The following LGI4 variants were observed in gnomAD, a reference collection of about 807,000 sequenced individuals.
LGI4 encodes leucine-rich repeat LGI family member 4.
A neutral mutation model predicts 48.3 loss-of-function variants in LGI4; 36 were observed. The observed-to-expected ratio is 0.75, with a 90% CI of 0.57 to 0.98. The LOEUF (loss-of-function observed/expected upper bound fraction) is 0.98, where lower values mean the gene tolerates loss of function less well. LGI4 is among the 50% of genes least tolerant of loss of function. LGI4 has a pLI of 0.00. For missense variants in LGI4, 701 were observed against 732.1 expected, an observed-to-expected ratio of 0.96 and a Z score of 0.49; for synonymous variants, 355 against 331.6, an observed-to-expected ratio of 1.07 and a Z score of -0.77.
chr19:35,125,508 C>T lies in LGI4; in HGVS notation c.1300-1G>A. ...ACATGGAGCCGTCCCAGCGCATGACCTGTGGGGGTGTGGCCAGTGAGGGCC... is the reference window on the plus strand; with the variant it reads ...ACATGGAGCCGTCCCAGCGCATGACTTGTGGGGGTGTGGCCAGTGAGGGCC... On this transcript the variant is annotated splice_acceptor_variant, in intron 8 of 8. Coordinates refer to ENST00000310123, the MANE Select transcript of LGI4 (RefSeq NM_139284.3). LOFTEE classifies it high-confidence loss of function. 1 of 1,544,714 alleles carries T rather than the reference C, an allele frequency of 6.5e-7. No individual in the cohort carries two copies. Among genetic ancestry groups the T allele is most frequent in the Non-Finnish European group, 8.8e-7 (1 of 1,141,850 alleles).
In LGI4 at chr19:35,131,422, G is replaced by A; in HGVS notation, c.592C>T (p.His198Tyr). 6.4e-7 allele frequency: 1 copy of A among 1,552,456 alleles called. No individual in the cohort carries two copies. The highest frequency in any genetic ancestry group is 8.7e-7 in the Non-Finnish European group (1 of 1,147,220). Residue 198 changes from histidine to tyrosine, a missense_variant, in exon 6 of 9, where the codon CAC (histidine) becomes TAC (tyrosine). Transcript: ENST00000310123. ...PASLSHMQLHHLDPKTFKCRA... is the reference protein window; with the variant it reads ...PASLSHMQLHYLDPKTFKCRA... ...CACTTGAAAGTCTTGGGGTCGAGGT[G>A]GTGGAGCTGCATGTGGCTCAGGGAG...
intron 1 of LGI4, 147 bp downstream of exon 1, chr19:35,134,364 T>C (rs2065195069): frequency 1.1e-6 from 1 of 875,232 alleles, no homozygotes; most frequent in Non-Finnish European, 1.8e-6. Flanking sequence ...AGCACCCCTC[T>C]TCAAGGCATC....
chr19:35,133,856 G>T, intron 2 of LGI4, 92 bp from the exon 3 acceptor site: 1 of 1,403,448 alleles, frequency 7.1e-7, no homozygotes, highest in South Asian at 1.3e-5. Flanking sequence ...AGGTGGGCAT[G>T]GGCACGCAGG....
Position 35,129,328 on chromosome 19 carries a change from T to TTA in LGI4, c.628+2056_628+2057dup, listed in dbSNP as rs199662805. Among the ~76,000 whole-genome samples, 20 of 151,172 alleles carry TTA rather than the reference T, an allele frequency of 1.3e-4. 1 individual carries two copies. The highest frequency in any genetic ancestry group is 4.1e-4 in the African/African-American group (17 of 41,310). On this transcript the variant is annotated intron_variant, in intron 6 of 8. Transcript: ENST00000310123. ...ATAATAATTATGTATGCATATATAATTATATATATATTATATATACATGTT... is the reference window on the plus strand; with the variant it reads ...ATAATAATTATGTATGCATATATAATTATATATATATATTATATATACATGTT...
intron 6 of LGI4, among the ~76,000 whole-genome samples, chr19:35,127,675 C>T (rs1052119647): frequency 6.6e-6 from 1 of 152,212 alleles, no homozygotes; most frequent in Non-Finnish European, 1.5e-5. Flanking sequence ...CGTGAGGCAC[C>T]GTGCCCGGCC....
rs778244644 is a variant in LGI4 at position 35,134,615 on chromosome 19, G to A, written c.66C>T (p.Pro22=). The part of the protein sequence containing the change: ...AGAGVVVAWR[P]PKGKCPLRCS... ...AGCGCAGGGGACACTTTCCCTTTGG[G>A]GGTCTCCAGGCCACCACCACCCCCG... Residue 22 remains proline, a synonymous_variant, in exon 1 of 9, where the codon CCC becomes CCT. Coordinates refer to ENST00000310123, the MANE Select transcript of LGI4 (RefSeq NM_139284.3). 1 of 1,586,194 alleles carries A rather than the reference G, an allele frequency of 6.3e-7. No homozygotes were observed. Among genetic ancestry groups the A allele is most frequent in the Non-Finnish European group, 8.6e-7 (1 of 1,166,244 alleles).
In LGI4 at chr19:35,125,641, G is replaced by A. The variant is rs58799071; in HGVS notation, c.1300-134C>T. On this transcript the variant is annotated intron_variant, in intron 8 of 8. Coordinates refer to ENST00000310123, the MANE Select transcript of LGI4 (RefSeq NM_139284.3). ...TCTTCATAAAAGTCACCACCCACCT[G>A]TTCGGCCACACACATGCAGTTGTTC... The A allele has an allele frequency of 6.6e-3, 5,302 of 799,638 alleles. 135 individuals are homozygous for A. In the African/African-American group the frequency reaches 0.07, roughly 11 times the overall value. The allele number at this position is 799,638 out of a possible 1,614,324, so 49.5% of individuals were successfully genotyped here.
chr19:35,127,444 G>A (rs1365802318), intron 6 of LGI4, among the ~76,000 whole-genome samples: 1 of 152,122 alleles, frequency 6.6e-6, no homozygotes, highest in Non-Finnish European at 1.5e-5. Context: ...ACCTCCCAAA[G>A]TGCTGGGATT....
chr19:35,131,725 G>A (rs947244132), intron 5 of LGI4, 64 bp downstream of exon 5: 17 of 1,427,818 alleles, frequency 1.2e-5, no homozygotes, highest in South Asian at 9.8e-5. Context: ...AAGTGGGCAC[G>A]GATGCCCCCC....
Position 35,134,069 on chromosome 19 carries a change from G to C in LGI4, c.206C>G (p.Ala69Gly), listed in dbSNP as rs779470894. 1.3e-6 allele frequency: 2 copies of C among 1,566,374 alleles called. No homozygotes were observed. Among genetic ancestry groups the C allele is most frequent in the Non-Finnish European group, 1.7e-6 (2 of 1,155,068 alleles). ...LVRTGVTQLK[A>G]GSFLRIPSLH... ...AGACGGAATTCTCAGGAAGCTGCCGGCCTTCAGCTGGGTGACTCCCGTCCT... is the reference window on the plus strand; with the variant it reads ...AGACGGAATTCTCAGGAAGCTGCCGCCCTTCAGCTGGGTGACTCCCGTCCT... The change falls in exon 2 of 9, where the codon GCC (alanine) becomes GGC (glycine). Residue 69 changes from alanine to glycine, a missense_variant. Physicochemically the swap from Ala to Gly is moderately conservative, Grantham distance 60. Coordinates refer to ENST00000310123, the MANE Select transcript of LGI4 (RefSeq NM_139284.3).
At chr19:35,130,385 T>C (rs550601565) in intron 6 of LGI4, among the ~76,000 whole-genome samples, 2 of 152,194 alleles carry the variant, frequency 1.3e-5, no homozygotes, top group Non-Finnish European at 2.9e-5. Context: ...CTGTTGTTAT[T>C]GTATTCATAG....
At position 35,125,457 on chromosome 19, in the gene LGI4, C is replaced by G. The variant is rs752974308; in HGVS notation, c.1350G>C (p.Ser450=). The G allele has an allele frequency of 5.0e-5, 80 of 1,595,826 alleles. No homozygotes were observed. The highest frequency in any genetic ancestry group is 6.6e-5 in the Non-Finnish European group (77 of 1,170,074). ...GTGGCTGGAAGACGTGGGCACCGCG[C>G]GAGGGAAGTTGCTGCAGCAGACGAA... is the stretch of plus-strand genomic sequence containing the variant. The part of the protein sequence containing the change: ...SMFRLLQQLP[S]RGAHVFQPLL... The change falls in exon 9 of 9, where the codon TCG becomes TCC. Residue 450 remains serine (S), a synonymous_variant. Transcript: ENST00000310123.
intron 6 of LGI4, 73 bp from the exon 7 acceptor site, chr19:35,127,090 A>G: frequency 6.9e-7 from 1 of 1,446,652 alleles, no homozygotes; most frequent in Non-Finnish European, 9.2e-7. Flanking sequence ...CAGTTTGCCT[A>G]CATCTCTGAA....
In LGI4 at chr19:35,131,455, C is replaced by A. The variant is rs1414634130; in HGVS notation, c.559G>T (p.Gly187Cys). The change falls in exon 6 of 9, where the codon GGC becomes TGC. Residue 187 changes from glycine (G) to cysteine (C), a missense_variant. Coordinates refer to ENST00000310123, the MANE Select transcript of LGI4 (RefSeq NM_139284.3). ...NASVGTGACA[G>C]PASLSHMQLH... Reference sequence around the variant, plus strand: ...TGCATGTGGCTCAGGGAGGCGGGGCCCGCACAGGCGCCGGTCCCCACGCTG... The same window carrying A: ...TGCATGTGGCTCAGGGAGGCGGGGCACGCACAGGCGCCGGTCCCCACGCTG... 6.4e-7 allele frequency: 1 copy of A among 1,551,926 alleles called. No individual in the cohort carries two copies. Among genetic ancestry groups the A allele is most frequent in the African/African-American group, 1.4e-5 (1 of 73,254 alleles).
intron 3 of LGI4, among the ~76,000 whole-genome samples, chr19:35,132,474 AC>A (rs532101791): frequency 2.5e-4 from 36 of 145,654 alleles, no homozygotes; most frequent in Non-Finnish European, 4.8e-4. Flanking sequence ...CACCCACACC[AC>A]CACATTACCT....
At position 35,126,203 on chromosome 19, in the gene LGI4, G is replaced by C. The variant is rs373373835; in HGVS notation, c.1299+67C>G. 9.2e-5 allele frequency: 141 copies of C among 1,535,562 alleles called. No individual in the cohort carries two copies. The East Asian group carries it at 1.6e-3, about 17-fold the overall frequency. ...GCATGTGAGGGTAGGTCAGAGTTTA[G>C]AGGCTTAGTGTGCAAGATTGGGTCA... On this transcript the variant is annotated intron_variant, in intron 8 of 8. Transcript: ENST00000310123.
chr19:35,125,017 A>G lies in LGI4; in HGVS notation c.*176T>C. 1 of 484,572 alleles carries G rather than the reference A, an allele frequency of 2.1e-6. No individual in the cohort carries two copies. Among genetic ancestry groups the G allele is most frequent in the African/African-American group, 1.9e-5 (1 of 51,508 alleles). The allele number at this position is 484,572 out of a possible 1,614,324, so 30.0% of individuals were successfully genotyped here. Reference sequence around the variant, plus strand: ...GAGGTCCAGTAGGCTGGGACCCTCTATGTCCCCCCATGGGTGCAGATCCTT... The same window carrying G: ...GAGGTCCAGTAGGCTGGGACCCTCTGTGTCCCCCCATGGGTGCAGATCCTT... On this transcript the variant is annotated 3_prime_UTR_variant, in exon 9 of 9. Coordinates refer to ENST00000310123, the MANE Select transcript of LGI4 (RefSeq NM_139284.3).
Position 35,126,900 on chromosome 19 carries a change from G to A in LGI4, c.746C>T (p.Ser249Phe). The A allele has an allele frequency of 6.2e-7, 1 of 1,613,688 alleles. No homozygotes were observed. The highest frequency in any genetic ancestry group is 8.5e-7 in the Non-Finnish European group (1 of 1,179,924). Residue 249 changes from serine (S) to phenylalanine (F), a missense_variant, in exon 7 of 9, where the codon TCC (serine) becomes TTC (phenylalanine). By Grantham distance (155) the Ser-to-Phe change is radical. Transcript: ENST00000310123. Reference protein sequence around the residue: ...QPFAGRCLILSWDYSLQRFRP... With the variant: ...QPFAGRCLILFWDYSLQRFRP... ...GAAGCGCTGCAGGCTGTAGTCCCAG[G>A]AGAGAATCAGGCAGCGGCCGGCGAA... is the stretch of plus-strand genomic sequence containing the variant.
intron 6 of LGI4, 42 bp from the exon 7 acceptor site, chr19:35,127,059 A>G (rs1275399601): frequency 6.6e-7 from 1 of 1,523,786 alleles, no homozygotes; most frequent in African/African-American, 1.4e-5. Flanking sequence ...CAGGACCCCC[A>G]GGGTCCTCAT....
Sources: allele counts gnomAD v4.1 joint callset (sites outside exome capture counted in the v4.1 genomes callset), GRCh38; gene constraint gnomAD v4.1.1; transcripts MANE v1.5; gene names NCBI Gene and HGNC (gene_info 2026-07-23, HGNC 2026-07-21).